COBLL1: variants seen among roughly 807,000 people sequenced by gnomAD.
COBLL1 encodes cordon-bleu protein-like 1.
In COBLL1, 50 loss-of-function variants were observed where a neutral mutation model predicts 94.8. The ratio of observed to expected loss-of-function variants is 0.53; its 90% CI spans 0.42 to 0.67. COBLL1 has a LOEUF of 0.67. Among genes scored for constraint, COBLL1 ranks in the 30% least tolerant of loss-of-function variants. The probability of loss-of-function intolerance (pLI) is 0.00; values close to 1 mark genes in which losing one functional copy is unlikely to be tolerated. For missense variants in COBLL1, 1,362 were observed against 1,348.7 expected (o/e 1.01, Z -0.15); for synonymous variants, 448 against 473.8 (o/e 0.95, Z 0.71).
At chr2:164,786,247 T>C (rs1276597555) in intron 2 of COBLL1, among the ~76,000 whole-genome samples, 1 of 152,184 alleles carries the variant, frequency 6.6e-6, no homozygotes, top group Non-Finnish European at 1.5e-5. Flanking sequence ...ACATGTAAAG[T>C]GCAAGGCACC....
At chr2:164,779,051 T>C (rs575122842) in intron 2 of COBLL1, among the ~76,000 whole-genome samples, 1 of 152,298 alleles carries the variant, frequency 6.6e-6, no homozygotes, top group Admixed American at 6.5e-5. Context: ...ACAGTCATAT[T>C]GGAAACATGG....
At chr2:164,837,746 T>C (rs1336902678) in intron 2 of COBLL1, among the ~76,000 whole-genome samples, 2 of 152,166 alleles carry the variant, frequency 1.3e-5, no homozygotes, top group Non-Finnish European at 1.5e-5. Flanking sequence ...GCATGCAATC[T>C]TTTTTCTCGA....
At position 164,743,703 on chromosome 2, in the gene COBLL1, T is replaced by C. The variant is rs777071901; in HGVS notation, c.214A>G (p.Thr72Ala). 1.9e-6 allele frequency: 3 copies of C among 1,613,148 alleles called. No homozygotes were observed. The highest frequency in any genetic ancestry group is 2.5e-6 in the Non-Finnish European group (3 of 1,179,396). ...CCAGCGTACCTGCCATGAACAGTAG[T>C]AGATTTGATAATATCCCCAGGTAGG... ...VVLPGDIIKS[T>A]TVHGSKPMMD... Residue 72 changes from threonine (T) to alanine (A), a missense_variant, in exon 3 of 14, where the codon ACT becomes GCT. Transcript: ENST00000652658.
intron 2 of COBLL1, among the ~76,000 whole-genome samples, chr2:164,826,043 G>A (rs1280911964): frequency 2.0e-5 from 3 of 152,136 alleles, no homozygotes; most frequent in Non-Finnish European, 2.9e-5. Flanking sequence ...AATGATGCTC[G>A]TGTATGACTT....
At chr2:164,741,157 TC>T (rs1211547793) in intron 3 of COBLL1, among the ~76,000 whole-genome samples, 3 of 152,032 alleles carry the variant, frequency 2.0e-5, no homozygotes, top group African/African-American at 7.2e-5. Flanking sequence ...TCATCTGTAA[TC>T]CCAGCTACTT....
At chr2:164,686,942 A>G (rs1250119088) in intron 13 of COBLL1, among the ~76,000 whole-genome samples, 1 of 152,232 alleles carries the variant, frequency 6.6e-6, no homozygotes, top group African/African-American at 2.4e-5. Context: ...TTAAAAGGAA[A>G]ATGAAATTGG....
intron 2 of COBLL1, among the ~76,000 whole-genome samples, chr2:164,789,212 T>C (rs1343752135): frequency 6.6e-6 from 1 of 151,938 alleles, no homozygotes; most frequent in Non-Finnish European, 1.5e-5. Context: ...CAAAAACACA[T>C]TAAGATAGGG....
chr2:164,677,626 A>G (rs1344555718), downstream of COBLL1, among the ~76,000 whole-genome samples: 2 of 152,166 alleles, frequency 1.3e-5, no homozygotes, highest in African/African-American at 4.8e-5. Context: ...ACAAACTGGC[A>G]GAGAAAGAGT....
intron 2 of COBLL1, among the ~76,000 whole-genome samples, chr2:164,769,795 C>CA (rs936501034): frequency 6.6e-5 from 10 of 152,182 alleles, no homozygotes; most frequent in African/African-American, 1.9e-4. Flanking sequence ...ATATACCCCC[C>CA]CCAGAGCAAG....
chr2:164,840,787 A>C, intron 2 of COBLL1: 1 of 193,936 alleles, frequency 5.2e-6, no homozygotes, highest in Non-Finnish European at 1.0e-5. Context: ...TGACCAAGGA[A>C]ACTTTTGCCC....
rs551600975 is a variant in COBLL1, at chr2:164,829,346, C to T, written c.41+11810G>A. Among the ~76,000 whole-genome samples the T allele has an allele frequency of 3.3e-5, 5 of 152,258 alleles. No individual in the cohort carries two copies. In the South Asian group the frequency reaches 1.0e-3, roughly 32 times the overall value. On this transcript the variant is annotated intron_variant, in intron 2 of 13. Coordinates refer to ENST00000652658, the MANE Select transcript of COBLL1 (RefSeq NM_001365672.2). ...TACAGTCCAGCATTAACACAGCAGC[C>T]TCTTCTTCTACCATCAGAAACTGTT...
At position 164,814,396 on chromosome 2, in the gene COBLL1, C is replaced by T. The variant is rs139769576; in HGVS notation, c.41+26760G>A. ...TATATATAAAATTAAAGAGTCTTTA[C>T]TTTCTGCTAGGTGATCAATTAAGCA... On this transcript the variant is annotated intron_variant, in intron 2 of 13. Coordinates refer to ENST00000652658, the MANE Select transcript of COBLL1 (RefSeq NM_001365672.2). 5.4e-3 allele frequency among the ~76,000 whole-genome samples: 815 copies of T among 152,190 alleles called. 9 individuals are homozygous for T. Among genetic ancestry groups the T allele is most frequent in the African/African-American group, 0.018 (767 of 41,524 alleles).
intron 2 of COBLL1, among the ~76,000 whole-genome samples, chr2:164,790,389 C>T (rs565966843): frequency 6.6e-6 from 1 of 152,220 alleles, no homozygotes; most frequent in South Asian, 2.1e-4. Flanking sequence ...AATCATTATC[C>T]CACATGATTT....
intron 2 of COBLL1, among the ~76,000 whole-genome samples, chr2:164,756,585 A>C (rs191655627): frequency 7.2e-4 from 110 of 152,300 alleles, no homozygotes; most frequent in African/African-American, 2.5e-3. Flanking sequence ...AGTATCTATA[A>C]ATTTAAAATA....
intron 3 of COBLL1, among the ~76,000 whole-genome samples, chr2:164,733,429 A>G (rs1293391130): frequency 6.6e-6 from 1 of 152,316 alleles, no homozygotes; most frequent in East Asian, 1.9e-4. Flanking sequence ...TTCTACTAAA[A>G]ATGCCTCTTT....
chr2:164,798,333 T>C (rs775413945), intron 2 of COBLL1, among the ~76,000 whole-genome samples: 1 of 152,242 alleles, frequency 6.6e-6, no homozygotes, highest in Non-Finnish European at 1.5e-5. Context: ...AATCCTCCAC[T>C]TCTCCCTAGA....
At chr2:164,715,785 G>A (rs1685133126) in intron 7 of COBLL1, among the ~76,000 whole-genome samples, 1 of 151,672 alleles carries the variant, frequency 6.6e-6, no homozygotes, top group Non-Finnish European at 1.5e-5. Flanking sequence ...TCTGAAGCAG[G>A]ATGCAAAATG....
chr2:164,743,760 T>C lies in COBLL1; in HGVS notation c.157A>G (p.Met53Val), dbSNP rs779040193. 2.5e-6 allele frequency: 4 copies of C among 1,613,674 alleles called. No individual in the cohort carries two copies. In the East Asian group the frequency reaches 8.9e-5, roughly 36 times the overall value. The change falls in exon 3 of 14, where the codon ATG (methionine) becomes GTG (valine). Residue 53 changes from methionine (M) to valine (V), a missense_variant. By Grantham distance (21) the Met-to-Val change is conservative. Coordinates refer to ENST00000652658, the MANE Select transcript of COBLL1 (RefSeq NM_001365672.2). ...TAFIMEQKENMIDKDVELSVV... is the reference protein window; with the variant it reads ...TAFIMEQKENVIDKDVELSVV... ...GAGAGTTCAACGTCTTTATCTATCA[T>C]GTTTTCTTTCTGTTCCATGATGAAA...
At chr2:164,719,274 G>A (rs11896289) in intron 7 of COBLL1, among the ~76,000 whole-genome samples, 24,424 of 151,952 alleles carry the variant, frequency 0.16, 2,111 homozygotes, top group African/African-American at 0.23. Context: ...TCTTAAATAC[G>A]TCTTCCAGGT....
Sources: allele counts gnomAD v4.1 joint callset (sites outside exome capture counted in the v4.1 genomes callset), GRCh38; gene constraint gnomAD v4.1.1; transcripts MANE v1.5; gene names NCBI Gene and HGNC (gene_info 2026-07-23, HGNC 2026-07-21).